RCAN2: variants seen among roughly 807,000 people sequenced by gnomAD.
RCAN2 encodes the protein calcipressin-2.
Under a neutral mutation model 23.6 loss-of-function variants are expected in RCAN2, and 9 were observed. The ratio of observed to expected loss-of-function variants is 0.38; its 90% CI spans 0.23 to 0.67. The LOEUF is 0.67. RCAN2 is among the 30% of genes least tolerant of loss of function. The probability of loss-of-function intolerance (pLI) is 0.51; values close to 1 mark genes in which losing one functional copy is unlikely to be tolerated. For synonymous variants in RCAN2, 109 were observed against 115.7 expected, an observed-to-expected ratio of 0.94 and a Z score of 0.37; for missense variants, 273 against 302.3, an observed-to-expected ratio of 0.90 and a Z score of 0.72.
At chr6:46,246,650 A>C in intron 4 of RCAN2, 98 bp downstream of exon 4, 1 of 934,932 alleles carries the variant, frequency 1.1e-6, no homozygotes, top group Non-Finnish European at 1.7e-6. Context: ...AGAAATGCAG[A>C]TGTTACTGTG....
chr6:46,443,851 A>C (rs1263114406), intron 2 of RCAN2, among the ~76,000 whole-genome samples: 1 of 152,214 alleles, frequency 6.6e-6, no homozygotes, highest in African/African-American at 2.4e-5. Flanking sequence ...TGCTTTCCAC[A>C]GTACAATTCA....
At chr6:46,395,062 T>C (rs1766049767) in intron 2 of RCAN2, among the ~76,000 whole-genome samples, 1 of 152,102 alleles carries the variant, frequency 6.6e-6, no homozygotes, top group Non-Finnish European at 1.5e-5. Context: ...CCAGGAGTGG[T>C]GATAGGGTGT....
chr6:46,293,873 T>C (rs2150346927), intron 2 of RCAN2, among the ~76,000 whole-genome samples: 1 of 152,226 alleles, frequency 6.6e-6, no homozygotes, highest in South Asian at 2.1e-4. Flanking sequence ...AGAGGTCAGG[T>C]GGAGAATAGT....
At chr6:46,346,141 C>T (rs1258161212) in intron 2 of RCAN2, among the ~76,000 whole-genome samples, 4 of 151,862 alleles carry the variant, frequency 2.6e-5, no homozygotes, top group Admixed American at 1.3e-4. Context: ...ACCCTTTGGT[C>T]AAAGAAGAAA....
At chr6:46,247,989 GA>G (rs2150317848) in intron 3 of RCAN2, among the ~76,000 whole-genome samples, 1 of 152,326 alleles carries the variant, frequency 6.6e-6, no homozygotes, top group South Asian at 2.1e-4. Flanking sequence ...TTTGAACATG[GA>G]TGCAGGGCCA....
intron 4 of RCAN2, among the ~76,000 whole-genome samples, chr6:46,240,333 T>C (rs993768295): frequency 2.6e-5 from 4 of 152,244 alleles, no homozygotes; most frequent in African/African-American, 7.2e-5. Flanking sequence ...CTTCTGTTTT[T>C]CTACAATGTA....
rs538722188 is a variant in RCAN2, at chr6:46,240,488, T to C, written c.571+6260A>G. Among the ~76,000 whole-genome samples the C allele has an allele frequency of 1.7e-4, 26 of 152,154 alleles. No homozygotes were observed. In the South Asian group the frequency reaches 5.0e-3, roughly 29 times the overall value. ...CCAGGGACAATTCTTTCAAAGGCAA[T>C]GGGAAAATTTGAACATGTGCTCCAG... On this transcript the variant is annotated intron_variant, in intron 4 of 4. Coordinates refer to ENST00000371374, the MANE Select transcript of RCAN2 (RefSeq NM_001251974.2).
chr6:46,363,785 A>C (rs1356548190), intron 2 of RCAN2, among the ~76,000 whole-genome samples: 1 of 120,436 alleles, frequency 8.3e-6, no homozygotes, highest in African/African-American at 3.2e-5. Context: ...TTAAAAAGTA[A>C]AATAATGATT....
chr6:46,470,088 A>C (rs181684780), intron 1 of RCAN2, among the ~76,000 whole-genome samples: 1 of 152,332 alleles, frequency 6.6e-6, no homozygotes, highest in East Asian at 1.9e-4. Flanking sequence ...ATATTTTAAA[A>C]ATTGTCTCAG....
rs141167633 is a variant in RCAN2 at position 46,220,898 on chromosome 6, C to T, written c.*2243G>A. On this transcript the variant is annotated 3_prime_UTR_variant, in exon 5 of 5. Coordinates refer to ENST00000371374, the MANE Select transcript of RCAN2 (RefSeq NM_001251974.2). ...AATGTGCGTCATGGAAATGCTGAGG[C>T]GATTCTGACTTTCACAGTGCTAGGA... 623 of 152,748 alleles carry T rather than the reference C, an allele frequency of 4.1e-3. 2 individuals are homozygous for T. Among genetic ancestry groups the T allele is most frequent in the South Asian group, 8.9e-3 (43 of 4,814 alleles). 9.5% of individuals were successfully genotyped at this position (152,748 alleles called of 1,614,324 possible).
intron 2 of RCAN2, among the ~76,000 whole-genome samples, chr6:46,357,654 G>A (rs1309575223): frequency 6.6e-6 from 1 of 152,174 alleles, no homozygotes; most frequent in Non-Finnish European, 1.5e-5. Context: ...TAGTGTTCCT[G>A]TTTTAGAGAT....
chr6:46,443,894 A>C (rs961807228), intron 2 of RCAN2, among the ~76,000 whole-genome samples: 2 of 152,206 alleles, frequency 1.3e-5, no homozygotes, highest in Non-Finnish European at 2.9e-5. Flanking sequence ...AATGAACTGG[A>C]CTTAAAAGTC....
At chr6:46,401,500 G>C (rs538253296) in intron 2 of RCAN2, among the ~76,000 whole-genome samples, 1 of 152,212 alleles carries the variant, frequency 6.6e-6, no homozygotes, top group Non-Finnish European at 1.5e-5. Context: ...GAGAGAGAGA[G>C]GCACAGCAAA....
rs528868241 is a variant in RCAN2 at position 46,293,698 on chromosome 6, T to C, written c.226-44802A>G. 1.1e-4 allele frequency among the ~76,000 whole-genome samples: 16 copies of C among 152,254 alleles called. No individual in the cohort carries two copies. In the South Asian group the frequency reaches 2.1e-3, roughly 20 times the overall value. On this transcript the variant is annotated intron_variant, in intron 2 of 4. Coordinates refer to ENST00000371374, the MANE Select transcript of RCAN2 (RefSeq NM_001251974.2). The stretch of plus-strand genomic sequence containing the variant: ...AGAAACAAAAAACCTGCCCTTTTTA[T>C]GAGGAAAGACAATACAGTGTGGTGA...
intron 1 of RCAN2, among the ~76,000 whole-genome samples, chr6:46,466,354 CT>C (rs2150438447): frequency 6.6e-6 from 1 of 152,206 alleles, no homozygotes; most frequent in Admixed American, 6.5e-5. Flanking sequence ...GATACTGCAG[CT>C]TTGAGAAAAA....
At chr6:46,461,877 T>C (rs1383190277) in intron 1 of RCAN2, among the ~76,000 whole-genome samples, 1 of 152,194 alleles carries the variant, frequency 6.6e-6, no homozygotes, top group East Asian at 1.9e-4. Flanking sequence ...TGAGCCACCA[T>C]GCCCAGCCAG....
At chr6:46,360,073 T>C (rs914026273) in intron 2 of RCAN2, among the ~76,000 whole-genome samples, 90 of 152,146 alleles carry the variant, frequency 5.9e-4, no homozygotes, top group African/African-American at 2.2e-3. Flanking sequence ...TCTCAAACTT[T>C]AATGTGATGA....
chr6:46,475,280 C>G (rs191964110), intron 1 of RCAN2, among the ~76,000 whole-genome samples: 1 of 152,322 alleles, frequency 6.6e-6, no homozygotes, highest in Admixed American at 6.5e-5. Context: ...GAAATGCCCA[C>G]TTGAGCAAGC....
At chr6:46,487,195 T>C (rs536206436) in intron 1 of RCAN2, among the ~76,000 whole-genome samples, 3 of 152,334 alleles carry the variant, frequency 2.0e-5, no homozygotes, top group South Asian at 2.1e-4. Context: ...TACAGCAACA[T>C]TGGCCTCCTT....
Sources: allele counts gnomAD v4.1 joint callset (sites outside exome capture counted in the v4.1 genomes callset), GRCh38; gene constraint gnomAD v4.1.1; transcripts MANE v1.5; gene names NCBI Gene and HGNC (gene_info 2026-07-23, HGNC 2026-07-21).